Variants in ZC3H18 observed in about 807,000 individuals in gnomAD.
ZC3H18 encodes the protein zinc finger CCCH-type containing 18, also known as zinc finger CCCH domain-containing protein 18.
ZC3H18 carries 8 observed loss-of-function variants against 106.1 expected under a neutral mutation model. That is an observed-to-expected ratio of 0.08 (90% CI 0.04 to 0.14). The LOEUF is 0.14. Ranked by LOEUF, ZC3H18 falls within the 10% of genes least tolerant of loss-of-function variation. The probability of loss-of-function intolerance (pLI) is 1.00; values close to 1 mark genes in which losing one functional copy is unlikely to be tolerated. For synonymous variants in ZC3H18, 635 were observed against 522.1 expected, an observed-to-expected ratio of 1.22 and a Z score of -2.95; for missense variants, 1,318 against 1,278.4, an observed-to-expected ratio of 1.03 and a Z score of -0.47.
chr16:88,587,115 G>A (rs377073816), intron 3 of ZC3H18, among the ~76,000 whole-genome samples: 1 of 152,328 alleles, frequency 6.6e-6, no homozygotes, highest in African/African-American at 2.4e-5. Context: ...GCGTTTGTTC[G>A]TGTGGAATGG....
At chr16:88,585,127 T>A (rs1567579825) in intron 2 of ZC3H18, among the ~76,000 whole-genome samples, 2 of 152,244 alleles carry the variant, frequency 1.3e-5, no homozygotes, top group African/African-American at 4.8e-5. Context: ...AAATTAAACA[T>A]GCCTTCTCTG....
At chr16:88,571,363 TG>T (rs1914396380) in intron 1 of ZC3H18, among the ~76,000 whole-genome samples, 1 of 152,214 alleles carries the variant, frequency 6.6e-6, no homozygotes, top group Non-Finnish European at 1.5e-5. Flanking sequence ...AAGTACCGTT[TG>T]GGGTGTAGCA....
chr16:88,600,692 C>T (rs774334554), intron 6 of ZC3H18, among the ~76,000 whole-genome samples: 3 of 152,194 alleles, frequency 2.0e-5, no homozygotes, highest in African/African-American at 4.8e-5. Flanking sequence ...GGACTACAGG[C>T]GTGAACCACT....
At chr16:88,607,536 G>A (rs140866692) in intron 6 of ZC3H18, among the ~76,000 whole-genome samples, 2 of 151,950 alleles carry the variant, frequency 1.3e-5, no homozygotes, top group African/African-American at 2.4e-5. Context: ...ATTCATGCAC[G>A]CTTTGTGTCA....
chr16:88,595,467 TTTC>T (rs1441426345), intron 3 of ZC3H18, among the ~76,000 whole-genome samples: 57 of 116,804 alleles, frequency 4.9e-4, no homozygotes, highest in Non-Finnish European at 7.6e-4. Flanking sequence ...GGATAATTTC[TTTC>T]TTTCTTTTTT....
At chr16:88,606,932 C>G (rs1268252967) in intron 6 of ZC3H18, among the ~76,000 whole-genome samples, 1 of 152,120 alleles carries the variant, frequency 6.6e-6, no homozygotes, top group Non-Finnish European at 1.5e-5. Flanking sequence ...CCCAGTCTAC[C>G]CGAAGCAGAG....
chr16:88,602,739 C>T (rs1411325020), intron 6 of ZC3H18, among the ~76,000 whole-genome samples: 1 of 152,154 alleles, frequency 6.6e-6, no homozygotes, highest in South Asian at 2.1e-4. Flanking sequence ...TCTCCAACTC[C>T]TGGACTCAAG....
chr16:88,584,739 C>A (rs566665688), intron 2 of ZC3H18, among the ~76,000 whole-genome samples: 5 of 152,298 alleles, frequency 3.3e-5, no homozygotes, highest in African/African-American at 1.2e-4. Flanking sequence ...CTACAGGGTC[C>A]TCCCTCCAAT....
intron 5 of ZC3H18, among the ~76,000 whole-genome samples, chr16:88,598,936 T>A (rs193121738): frequency 4.6e-5 from 7 of 152,224 alleles, no homozygotes; most frequent in Non-Finnish European, 8.8e-5. Flanking sequence ...CTCGACTCAC[T>A]GCAGCCTCCG....
At chr16:88,571,810 C>A in intron 1 of ZC3H18, 2 of 310,168 alleles carry the variant, frequency 6.4e-6, no homozygotes, top group Non-Finnish European at 9.4e-6. Context: ...GGTCTGTCAC[C>A]AACCTTGATA....
intron 2 of ZC3H18, among the ~76,000 whole-genome samples, chr16:88,579,055 G>A (rs1451893069): frequency 4.6e-5 from 7 of 152,240 alleles, no homozygotes; most frequent in African/African-American, 9.6e-5. Flanking sequence ...ATGACTTTCC[G>A]GCCATCGCTG....
intron 7 of ZC3H18, among the ~76,000 whole-genome samples, chr16:88,609,796 T>A (rs1905188372): frequency 6.6e-6 from 1 of 152,162 alleles, no homozygotes; most frequent in South Asian, 2.1e-4. Flanking sequence ...AGACAGGGTT[T>A]TGCCGTGTTG....
chr16:88,617,863 G>A (rs1905720978), intron 8 of ZC3H18, among the ~76,000 whole-genome samples: 2 of 152,258 alleles, frequency 1.3e-5, no homozygotes, highest in African/African-American at 4.8e-5. Flanking sequence ...TTTTTGGGCT[G>A]AGCCCTCTCA....
At chr16:88,608,808 C>A in intron 6 of ZC3H18, 126 bp from the exon 7 acceptor site, 2 of 698,758 alleles carry the variant, frequency 2.9e-6, no homozygotes, top group Non-Finnish European at 4.8e-6. Flanking sequence ...CTTGAGCCAA[C>A]CTTGCGCTCC....
intron 1 of ZC3H18, among the ~76,000 whole-genome samples, chr16:88,572,158 A>G (rs1233648184): frequency 6.6e-6 from 1 of 152,244 alleles, no homozygotes; most frequent in Non-Finnish European, 1.5e-5. Flanking sequence ...ATTTGCCACC[A>G]CTAAGAATAC....
chr16:88,597,445 A>G (rs1427262246), intron 3 of ZC3H18, among the ~76,000 whole-genome samples: 3 of 152,224 alleles, frequency 2.0e-5, no homozygotes, highest in East Asian at 1.9e-4. Flanking sequence ...ACTATATGCC[A>G]TATTTGGTTT....
chr16:88,574,740 C>G (rs1914634071), intron 1 of ZC3H18, among the ~76,000 whole-genome samples: 1 of 145,678 alleles, frequency 6.9e-6, no homozygotes, highest in African/African-American at 2.6e-5. Flanking sequence ...TCTAGAACTC[C>G]TGGACTCAAG....
At chr16:88,595,220 C>G (rs927815649) in intron 3 of ZC3H18, among the ~76,000 whole-genome samples, 1 of 152,310 alleles carries the variant, frequency 6.6e-6, no homozygotes, top group South Asian at 2.1e-4. Context: ...AAGAAAAAGA[C>G]CATCATCCTG....
intron 3 of ZC3H18, among the ~76,000 whole-genome samples, chr16:88,596,443 C>T (rs1266233740): frequency 6.6e-6 from 1 of 151,988 alleles, no homozygotes; most frequent in East Asian, 1.9e-4. Flanking sequence ...AGTTCGAGAC[C>T]AGCCTGACCA....
Sources: allele counts gnomAD v4.1 joint callset (sites outside exome capture counted in the v4.1 genomes callset), GRCh38; gene constraint gnomAD v4.1.1; transcripts MANE v1.5; gene names NCBI Gene and HGNC (gene_info 2026-07-23, HGNC 2026-07-21).